CPD: variants seen among roughly 807,000 people sequenced by gnomAD.
CPD encodes carboxypeptidase D.
In CPD, 69 loss-of-function variants were observed where a neutral mutation model predicts 138.3. The ratio of observed to expected loss-of-function variants is 0.50; its 90% CI spans 0.41 to 0.61. The LOEUF (loss-of-function observed/expected upper bound fraction) is 0.61, where lower values mean the gene tolerates loss of function less well. Among genes scored for constraint, CPD ranks in the 20% least tolerant of loss-of-function variants. The pLI, the probability that CPD is intolerant of heterozygous loss-of-function variation, is 0.00. For missense variants in CPD, 1,432 were observed against 1,733.3 expected (o/e 0.83, Z 3.09); for synonymous variants, 651 against 642.1 (o/e 1.01, Z -0.21).
chr17:30,389,318 A>G (rs1911285849), intron 2 of CPD, among the ~76,000 whole-genome samples: 1 of 152,240 alleles, frequency 6.6e-6, no homozygotes, highest in African/African-American at 2.4e-5. Context: ...AAGAGGTTTG[A>G]CATACTATTT....
chr17:30,460,341 T>C (rs1913436260), intron 17 of CPD, among the ~76,000 whole-genome samples: 1 of 152,206 alleles, frequency 6.6e-6, no homozygotes, highest in South Asian at 2.1e-4. Flanking sequence ...GGTAACAATA[T>C]TGACATGATC....
chr17:30,394,893 A>ATGTGTG (rs1204444829), intron 2 of CPD, among the ~76,000 whole-genome samples: 3 of 106,414 alleles, frequency 2.8e-5, no homozygotes, highest in East Asian at 3.2e-4. Context: ...GCGAGTGAGC[A>ATGTGTG]TGTGTGTATG....
intron 12 of CPD, 122 bp downstream of exon 12, chr17:30,446,142 T>C: frequency 1.4e-6 from 1 of 732,926 alleles, no homozygotes; most frequent in Non-Finnish European, 2.2e-6. Context: ...AGAGTTGGAG[T>C]TTACTTATTT....
At chr17:30,384,716 T>C (rs1256118638) in intron 1 of CPD, among the ~76,000 whole-genome samples, 1 of 152,264 alleles carries the variant, frequency 6.6e-6, no homozygotes, top group Non-Finnish European at 1.5e-5. Flanking sequence ...GTTATCCAGC[T>C]ATTTTTTCAA....
chr17:30,401,357 T>C (rs900493444), intron 2 of CPD, among the ~76,000 whole-genome samples: 8 of 151,156 alleles, frequency 5.3e-5, no homozygotes, highest in Non-Finnish European at 1.2e-4. Flanking sequence ...CCTCTTCCTC[T>C]TCTTCCTCCT....
chr17:30,379,303 C>T lies in CPD; in HGVS notation c.323C>T (p.Pro108Leu). The change falls in exon 1 of 21, where the codon CCT (proline) becomes CTT (leucine). Residue 108 changes from proline (P) to leucine (L), a missense_variant. By Grantham distance (98) the Pro-to-Leu change is moderately conservative. This residue lies in a region of CPD where 484 missense variants were observed against 477.2 expected (regional missense o/e 1.01). Transcript: ENST00000225719. The surrounding 1 kb of genome is among the most constrained non-coding windows in gnomAD (Gnocchi z 7.0). ...RLTAGLGSLI[P>L]EGDAGPDAAG... is the part of the protein sequence containing the mutation. ...ACCGCCGGCCTGGGGTCGCTAATCC[C>T]TGAGGGCGACGCGGGGCCTGACGCT... 1.3e-6 allele frequency: 2 copies of T among 1,502,404 alleles called. No homozygotes were observed. The highest frequency in any genetic ancestry group is 1.8e-6 in the Non-Finnish European group (2 of 1,132,750). 93.1% of individuals were successfully genotyped at this position (1,502,404 alleles called of 1,614,324 possible). A position where few individuals can be genotyped will look rare whatever the true frequency, so the allele number is the denominator to read the frequency against.
chr17:30,448,479 C>T (rs1913083351), intron 12 of CPD, among the ~76,000 whole-genome samples: 1 of 152,222 alleles, frequency 6.6e-6, no homozygotes, highest in African/African-American at 2.4e-5. Context: ...ATATGCCACA[C>T]ATGCCAGTGG....
intron 2 of CPD, among the ~76,000 whole-genome samples, chr17:30,396,218 C>T (rs908446822): frequency 7.2e-5 from 11 of 152,034 alleles, no homozygotes; most frequent in African/African-American, 2.4e-5. Context: ...TCATTAAGCT[C>T]CAAGTTGAAA....
chr17:30,411,675 A>G (rs751479243), intron 2 of CPD, among the ~76,000 whole-genome samples: 2 of 152,186 alleles, frequency 1.3e-5, no homozygotes, highest in East Asian at 1.9e-4. Flanking sequence ...TGCATGCGTC[A>G]TGAAGTTCTC....
chr17:30,411,529 C>T (rs1017981750), intron 2 of CPD, among the ~76,000 whole-genome samples: 8 of 152,048 alleles, frequency 5.3e-5, no homozygotes, highest in Non-Finnish European at 5.9e-5. Flanking sequence ...TTACATAGTC[C>T]CATATTTCTT....
intron 8 of CPD, 132 bp from the exon 9 acceptor site, chr17:30,438,843 C>A: frequency 1.9e-6 from 1 of 531,102 alleles, no homozygotes; most frequent in Non-Finnish European, 3.4e-6. Flanking sequence ...CTCATAGCCC[C>A]ACCCCACTCC....
chr17:30,416,641 T>TA (rs1368643351), intron 2 of CPD, among the ~76,000 whole-genome samples: 1 of 152,184 alleles, frequency 6.6e-6, no homozygotes, highest in Admixed American at 6.5e-5. Context: ...TCCTTACACT[T>TA]ACCAAACTTT....
Position 30,465,005 on chromosome 17 carries a change from CT to C in CPD, c.*194del, listed in dbSNP as rs1913596042. ...TTCCCTTCCTTAAAGTACTCTAAAC[CT>C]TTAAAAAAAAATCTGATTTATGCAG... On this transcript the variant is annotated 3_prime_UTR_variant, in exon 21 of 21. Transcript: ENST00000225719. The C allele has an allele frequency of 3.6e-6, 2 of 561,470 alleles. No homozygotes were observed. The highest frequency in any genetic ancestry group is 6.3e-6 in the Non-Finnish European group (2 of 316,154). 34.8% of individuals were successfully genotyped at this position (561,470 alleles called of 1,614,324 possible). A position where few individuals can be genotyped will look rare whatever the true frequency, so the allele number is the denominator to read the frequency against.
rs1157537469 is a variant in CPD, at chr17:30,379,352, G to A, written c.372G>A (p.Pro124=). The change falls in exon 1 of 21, where the codon CCG becomes CCA. Residue 124 remains proline, a synonymous_variant. Coordinates refer to ENST00000225719, the MANE Select transcript of CPD (RefSeq NM_001304.5). The surrounding 1 kb of genome is among the most constrained non-coding windows in gnomAD (Gnocchi z 7.0). ...CTGCCGGGCCCGACGCTGCGGGGCC[G>A]CTGCTGCCCGGCCGGCCCCAGGTGA... The part of the protein sequence containing the change: ...PDAAGPDAAG[P]LLPGRPQVKL... The A allele has an allele frequency of 2.0e-6, 3 of 1,495,982 alleles. No homozygotes were observed. Among genetic ancestry groups the A allele is most frequent in the Non-Finnish European group, 1.8e-6 (2 of 1,130,224 alleles). 92.7% of individuals were successfully genotyped at this position (1,495,982 alleles called of 1,614,324 possible). A position where few individuals can be genotyped will look rare whatever the true frequency, so the allele number is the denominator to read the frequency against.
At chr17:30,420,707 C>T (rs1912241812) in intron 2 of CPD, 134 bp from the exon 3 acceptor site, 2 of 718,674 alleles carry the variant, frequency 2.8e-6, no homozygotes, top group Admixed American at 3.0e-5. Context: ...CAGATGCCTT[C>T]TCCAATTTCA....
At chr17:30,444,144 GAA>G (rs774271535) in intron 11 of CPD, 173 bp downstream of exon 11, 5,113 of 342,684 alleles carry the variant, frequency 0.015, no homozygotes, top group South Asian at 0.02. Flanking sequence ...TAGAGTACAC[GAA>G]AAAAAAAAAA....
At chr17:30,444,683 C>T (rs1468597359) in intron 11 of CPD, among the ~76,000 whole-genome samples, 2 of 151,744 alleles carry the variant, frequency 1.3e-5, no homozygotes, top group Non-Finnish European at 2.9e-5. Context: ...GCCACCACAC[C>T]CGACTAATTT....
intron 2 of CPD, among the ~76,000 whole-genome samples, chr17:30,401,853 C>T (rs1911680757): frequency 6.6e-6 from 1 of 151,408 alleles, no homozygotes; most frequent in Non-Finnish European, 1.5e-5. Flanking sequence ...TTTTTTTGCA[C>T]TTATAGTGTT....
intron 7 of CPD, among the ~76,000 whole-genome samples, chr17:30,428,925 G>A (rs2143433803): frequency 6.6e-6 from 1 of 152,142 alleles, no homozygotes; most frequent in South Asian, 2.1e-4. Context: ...GGGCAATGGG[G>A]AAGAAATTTA....
Sources: allele counts gnomAD v4.1 joint callset (sites outside exome capture counted in the v4.1 genomes callset), GRCh38; gene constraint gnomAD v4.1.1; regional missense constraint gnomAD v4.1.1; non-coding constraint Gnocchi (gnomAD v3.1); transcripts MANE v1.5; gene names NCBI Gene and HGNC (gene_info 2026-07-23, HGNC 2026-07-21).